The following TNRC18 variants were observed in gnomAD, a reference collection of about 807,000 sequenced individuals.
TNRC18 encodes trinucleotide repeat-containing gene 18 protein.
Under a neutral mutation model 226.7 loss-of-function variants are expected in TNRC18, and 69 were observed. The observed-to-expected ratio is 0.30, with a 90% confidence interval of 0.25 to 0.37. The LOEUF (loss-of-function observed/expected upper bound fraction) is 0.37, where lower values mean the gene tolerates loss of function less well. TNRC18 is among the 10% of genes least tolerant of loss of function. The pLI is 1.00. For missense variants in TNRC18, 4,754 were observed against 4,256.6 expected, an observed-to-expected ratio of 1.12 and a Z score of -3.25; for synonymous variants, 2,449 against 1,927.6, an observed-to-expected ratio of 1.27 and a Z score of -7.09.
chr7:5,351,555 G>A (rs1376992713), intron 17 of TNRC18, among the ~76,000 whole-genome samples: 1 of 152,154 alleles, frequency 6.6e-6, no homozygotes, highest in Non-Finnish European at 1.5e-5. Context: ...AGACTCAAAA[G>A]CAGTCCATAT....
At chr7:5,365,313 A>G (rs758566521) in intron 11 of TNRC18, among the ~76,000 whole-genome samples, 2 of 152,100 alleles carry the variant, frequency 1.3e-5, no homozygotes, top group East Asian at 1.9e-4. Context: ...GGGTCTTGCT[A>G]TGTTTCCCAG....
chr7:5,345,764 C>T lies in TNRC18; in HGVS notation c.5517G>A (p.Glu1839=). The T allele has an allele frequency of 1.9e-6, 3 of 1,547,210 alleles. No individual in the cohort carries two copies. The highest frequency in any genetic ancestry group is 2.6e-6 in the Non-Finnish European group (3 of 1,146,816). The change falls in exon 18 of 30, where the codon GAG becomes GAA. Residue 1839 remains glutamate (E), a synonymous_variant. Coordinates refer to ENST00000430969, the MANE Select transcript of TNRC18 (RefSeq NM_001080495.3). ...TGTAGCCACCACCGCTGGCCTCGTC[C>T]TCCTCCTCGAGCTCCTCCTCCTCGT... ...EEDEEEELEE[E]DEASGGGYRL...
At chr7:5,343,936 T>A (rs184203878) in intron 18 of TNRC18, among the ~76,000 whole-genome samples, 5 of 152,158 alleles carry the variant, frequency 3.3e-5, no homozygotes, top group African/African-American at 1.2e-4. Context: ...CCCAAAGGAA[T>A]GAGAAGGAAG....
intron 3 of TNRC18, among the ~76,000 whole-genome samples, chr7:5,391,853 A>ATTTC (rs147029942): frequency 1.5e-5 from 2 of 130,830 alleles, no homozygotes; most frequent in African/African-American, 5.2e-5. Context: ...AAAAAAAAAA[A>ATTTC]TTTAAATAGT....
intron 24 of TNRC18, 127 bp from the exon 25 acceptor site, chr7:5,316,199 T>C (rs762170242): frequency 1.6e-6 from 1 of 620,110 alleles, no homozygotes; most frequent in Non-Finnish European, 2.7e-6. Flanking sequence ...AGTGGGGACA[T>C]GGGTGGAGGG....
At position 5,374,304 on chromosome 7, in the gene TNRC18, G is replaced by C; in HGVS notation, c.2980C>G (p.Pro994Ala). Residue 994 changes from proline (P) to alanine (A), a missense_variant, in exon 10 of 30, where the codon CCA becomes GCA. Pro to Ala is a conservative substitution (Grantham distance 27, BLOSUM62 -1). Transcript: ENST00000430969. ...GTYGKAVSPP[P>A]SPRASPVAAL... ...GCCACAGGGGATGCGCGGGGTGATG[G>C]TGGCGGGCTCACGGCCTTGCCGTAG... 6.9e-7 allele frequency: 1 copy of C among 1,448,990 alleles called. No individual in the cohort carries two copies. The highest frequency in any genetic ancestry group is 1.5e-5 in the South Asian group (1 of 67,708). 89.8% of individuals were successfully genotyped at this position (1,448,990 alleles called of 1,614,324 possible).
intron 18 of TNRC18, among the ~76,000 whole-genome samples, chr7:5,345,174 G>A (rs1291077991): frequency 1.3e-5 from 2 of 152,162 alleles, no homozygotes; most frequent in African/African-American, 2.4e-5. Flanking sequence ...CTGCACCTGT[G>A]TCTCGGGTAA....
At chr7:5,405,657 C>G (rs1025494228) in intron 2 of TNRC18, among the ~76,000 whole-genome samples, 3 of 152,102 alleles carry the variant, frequency 2.0e-5, no homozygotes, top group Non-Finnish European at 4.4e-5. Flanking sequence ...ACAGGAGAAT[C>G]ACGTGAACCC....
chr7:5,315,023 G>T lies in TNRC18; in HGVS notation c.6988C>A (p.Arg2330Ser). 6.2e-7 allele frequency: 1 copy of T among 1,608,658 alleles called. No homozygotes were observed. The highest frequency in any genetic ancestry group is 1.3e-5 in the African/African-American group (1 of 74,906). The stretch of plus-strand genomic sequence containing the variant: ...GCGCTGGGTTTCCGCCCACGCCCAC[G>T]GGCCTTGGCTCCTGGCTCCTCCGAC... ...AGSEEPGAKA[R>S]GRGRKPSAKA... is the part of the protein sequence containing the mutation. Residue 2330 changes from arginine to serine, a missense_variant, in exon 26 of 30, where the codon CGT (arginine) becomes AGT (serine). Physicochemically the swap from Arg to Ser is moderately radical, Grantham distance 110. Transcript: ENST00000430969.
chr7:5,388,652 G>C lies in TNRC18; in HGVS notation c.1172C>G (p.Ala391Gly). 8 of 1,278,278 alleles carry C rather than the reference G, an allele frequency of 6.3e-6. No individual in the cohort carries two copies. The highest frequency in any genetic ancestry group is 7.9e-6 in the Non-Finnish European group (8 of 1,010,942). 79.2% of individuals were successfully genotyped at this position (1,278,278 alleles called of 1,614,324 possible). Residue 391 changes from alanine to glycine, a missense_variant, in exon 5 of 30, where the codon GCA becomes GGA. Transcript: ENST00000430969. ...FDERPGPIQI[A>G]SQARDARARE... Reference sequence around the variant, plus strand: ...GGCCCGGGCATCGCGCGCCTGGGATGCGATCTGGATGGGCCCCGGGCGCTC... The same window carrying C: ...GGCCCGGGCATCGCGCGCCTGGGATCCGATCTGGATGGGCCCCGGGCGCTC...
chr7:5,357,473 G>C (rs557472131), intron 15 of TNRC18, among the ~76,000 whole-genome samples, 197 bp from the exon 16 acceptor site: 1 of 151,788 alleles, frequency 6.6e-6, no homozygotes, highest in Admixed American at 6.6e-5. Context: ...GTTCAGTGGC[G>C]CGATCTCGGC....
chr7:5,396,757 G>C (rs1248028716), intron 2 of TNRC18, among the ~76,000 whole-genome samples: 4 of 152,068 alleles, frequency 2.6e-5, no homozygotes, highest in African/African-American at 9.7e-5. Context: ...GTTTACAGGG[G>C]GCATGGATAA....
chr7:5,312,729 G>A lies in TNRC18; in HGVS notation c.8162C>T (p.Thr2721Met), dbSNP rs751841376. ...RPSAHSPGKKTPAPQPQAPPP... is the reference protein window; with the variant it reads ...RPSAHSPGKKMPAPQPQAPPP... ...AGGCGCCTGGGGCTGGGGCGCGGGC[G>A]TCTTCTTGCCTGGGGAGTGGGCCGA... The change falls in exon 27 of 30, where the codon ACG becomes ATG. Residue 2721 changes from threonine (T) to methionine (M), a missense_variant. Transcript: ENST00000430969. The surrounding 1 kb of genome is among the most constrained non-coding windows in gnomAD (Gnocchi z 6.3). 3.0e-5 allele frequency: 47 copies of A among 1,555,410 alleles called. No homozygotes were observed. Among genetic ancestry groups the A allele is most frequent in the Admixed American group, 3.9e-5 (2 of 51,230 alleles).
chr7:5,346,726 C>T (rs1376923961), intron 17 of TNRC18, among the ~76,000 whole-genome samples: 1 of 152,228 alleles, frequency 6.6e-6, no homozygotes, highest in Non-Finnish European at 1.5e-5. Flanking sequence ...AGTCCTCGGC[C>T]CTCTCTGAGC....
chr7:5,345,794 C>T lies in TNRC18; in HGVS notation c.5487G>A (p.Glu1829=), dbSNP rs750451026. The change falls in exon 18 of 30, where the codon GAG becomes GAA. Residue 1829 remains glutamate (E), a synonymous_variant. Transcript: ENST00000430969. ...CCTCGAGCTCCTCCTCCTCGTCCTCCTCCTCCGAGCTCTCATCTGGCGTGC... is the reference window on the plus strand; with the variant it reads ...CCTCGAGCTCCTCCTCCTCGTCCTCTTCCTCCGAGCTCTCATCTGGCGTGC... ...ESFDQDESSE[E]EDEEEELEEE... is the part of the protein sequence containing the mutation. 3.2e-5 allele frequency: 49 copies of T among 1,544,096 alleles called. No individual in the cohort carries two copies. In the South Asian group the frequency reaches 4.6e-4, roughly 15 times the overall value.
At chr7:5,327,906 G>C (rs867491609) in intron 19 of TNRC18, among the ~76,000 whole-genome samples, 11 of 152,274 alleles carry the variant, frequency 7.2e-5, no homozygotes, top group Middle Eastern at 3.4e-3. Flanking sequence ...CAGGCAGGCA[G>C]TGGGATGGCA....
intron 10 of TNRC18, 111 bp from the exon 11 acceptor site, chr7:5,371,475 C>T (rs1794156771): frequency 7.5e-7 from 1 of 1,327,576 alleles, no homozygotes; most frequent in Non-Finnish European, 9.9e-7. Flanking sequence ...CCGCCCCCTG[C>T]TCACCCAGCT....
At chr7:5,345,480 T>C (rs1791082573) in intron 18 of TNRC18, 82 bp downstream of exon 18, 4 of 1,328,614 alleles carry the variant, frequency 3.0e-6, no homozygotes, top group African/African-American at 1.5e-5. Context: ...TCTCTGAGCC[T>C]CAGTTTCCTC....
chr7:5,373,866 C>T (rs1017756021), intron 10 of TNRC18, among the ~76,000 whole-genome samples, 189 bp downstream of exon 10: 2 of 151,804 alleles, frequency 1.3e-5, no homozygotes, highest in Non-Finnish European at 2.9e-5. Context: ...GAGGAGGGGC[C>T]GGGGAGAGGC....
Sources: allele counts gnomAD v4.1 joint callset (sites outside exome capture counted in the v4.1 genomes callset), GRCh38; gene constraint gnomAD v4.1.1; non-coding constraint Gnocchi (gnomAD v3.1); transcripts MANE v1.5; gene names NCBI Gene and HGNC (gene_info 2026-07-23, HGNC 2026-07-21).